Variants in PIK3R3 observed in about 807,000 individuals in gnomAD.
PIK3R3 encodes the protein phosphatidylinositol 3-kinase regulatory subunit gamma.
Under a neutral mutation model 62.9 loss-of-function variants are expected in PIK3R3, and 64 were observed. The observed-to-expected ratio is 1.02, with a 90% CI of 0.83 to 1.25. PIK3R3 has a LOEUF of 1.25. Ranked by LOEUF, PIK3R3 falls within the 50% of genes most tolerant of loss-of-function variation. The pLI, the probability that PIK3R3 is intolerant of heterozygous loss-of-function variation, is 0.00. For synonymous variants in PIK3R3, 165 were observed against 189.0 expected, an observed-to-expected ratio of 0.87 and a Z score of 1.04; for missense variants, 614 against 561.6, an observed-to-expected ratio of 1.09 and a Z score of -0.94.
chr1:46,156,212 A>G, the PIK3R3 span, among the ~76,000 whole-genome samples: 1 of 152,046 alleles, frequency 6.6e-6, no homozygotes, highest in Non-Finnish European at 1.5e-5. Flanking sequence ...ATAGGAATTC[A>G]TTGCTGGCTG....
chr1:46,123,864 T>C (rs1654872846), intron 1 of PIK3R3, among the ~76,000 whole-genome samples: 1 of 152,240 alleles, frequency 6.6e-6, no homozygotes, highest in African/African-American at 2.4e-5. Flanking sequence ...AACTATTACC[T>C]TCATTACAAA....
At chr1:46,112,449 A>C (rs552283487) in intron 1 of PIK3R3, among the ~76,000 whole-genome samples, 1 of 152,342 alleles carries the variant, frequency 6.6e-6, no homozygotes, top group South Asian at 2.1e-4. Flanking sequence ...TTTTATTTCT[A>C]CAGAACAGAT....
At chr1:46,144,766 CAA>C in the PIK3R3 span, among the ~76,000 whole-genome samples, 29 of 105,028 alleles carry the variant, frequency 2.8e-4, no homozygotes, top group South Asian at 3.5e-4. Context: ...GACTCCATCT[CAA>C]AAAAAAAAAA....
chr1:46,147,746 G>C, the PIK3R3 span, among the ~76,000 whole-genome samples: 1 of 152,094 alleles, frequency 6.6e-6, no homozygotes, highest in Non-Finnish European at 1.5e-5. Context: ...TTTTTAAATA[G>C]TGTTGCACCT....
At chr1:46,167,260 G>A in the PIK3R3 span, among the ~76,000 whole-genome samples, 5 of 152,270 alleles carry the variant, frequency 3.3e-5, no homozygotes, top group Non-Finnish European at 7.3e-5. Flanking sequence ...CAGCAGCCGC[G>A]AGAAGGCTAG....
chr1:46,043,628 TG>T lies in PIK3R3; in HGVS notation c.*44del. The T allele has an allele frequency of 3.9e-6, 6 of 1,523,614 alleles. No homozygotes were observed. Among genetic ancestry groups the T allele is most frequent in the Middle Eastern group, 1.8e-4 (1 of 5,456 alleles). 94.4% of individuals were successfully genotyped at this position (1,523,614 alleles called of 1,614,324 possible). A position where few individuals can be genotyped will look rare whatever the true frequency, so the allele number is the denominator to read the frequency against. On this transcript the variant is annotated 3_prime_UTR_variant, in exon 10 of 10. Transcript: ENST00000262741. ...GCCCTCATCGTAGTCTAATAAAAAC[TG>T]TAGAAAAAAATGCCAGAGAACCACC...
intron 2 of PIK3R3, 110 bp from the exon 3 acceptor site, chr1:46,077,723 G>C: frequency 1.5e-6 from 1 of 673,456 alleles, no homozygotes; most frequent in Non-Finnish European, 2.7e-6. Context: ...CAGTAGGTGT[G>C]CCTGAGGTTA....
chr1:46,043,912 C>T, intron 9 of PIK3R3, 41 bp from the exon 10 acceptor site: 1 of 1,536,954 alleles, frequency 6.5e-7, no homozygotes. Context: ...AGGTAGGTAA[C>T]AATAGATAAA....
intron 7 of PIK3R3, among the ~76,000 whole-genome samples, chr1:46,050,928 TGAAA>T (rs1647291718): frequency 6.6e-6 from 1 of 152,126 alleles, no homozygotes; most frequent in African/African-American, 2.4e-5. Flanking sequence ...CCATGCTAAG[TGAAA>T]GAAGCCAGTC....
the PIK3R3 span, among the ~76,000 whole-genome samples, chr1:46,153,258 T>G: frequency 6.6e-6 from 1 of 152,176 alleles, no homozygotes; most frequent in East Asian, 1.9e-4. Flanking sequence ...CCCAACTTAC[T>G]CTAGGATGAG....
chr1:46,153,712 C>A, the PIK3R3 span, among the ~76,000 whole-genome samples: 1 of 152,190 alleles, frequency 6.6e-6, no homozygotes, highest in Non-Finnish European at 1.5e-5. Flanking sequence ...TGTACTCCCC[C>A]CAACTCACTT....
rs1395513205 is a variant in PIK3R3 at position 46,132,307 on chromosome 1, G to A, written c.-355C>T. The A allele has an allele frequency of 3.6e-6, 4 of 1,111,182 alleles. No individual in the cohort carries two copies. The African/African-American group carries it at 5.0e-5, about 14-fold the overall frequency. 68.8% of individuals were successfully genotyped at this position (1,111,182 alleles called of 1,614,324 possible). On this transcript the variant is annotated 5_prime_UTR_variant, in exon 1 of 10. Transcript: ENST00000262741. ...CCCACCGCCTCCAAATCTTTCCGCG[G>A]AAGCCACTTTTGTGTCCTTCGAAGG...
upstream of PIK3R3, among the ~76,000 whole-genome samples, chr1:46,133,300 G>C (rs1427832949): frequency 2.6e-5 from 4 of 152,252 alleles, no homozygotes; most frequent in Admixed American, 2.6e-4. Flanking sequence ...ACTGCCTGGA[G>C]ACAGGCGGGG....
chr1:46,063,321 A>T (rs969408554), intron 5 of PIK3R3, among the ~76,000 whole-genome samples: 5 of 152,218 alleles, frequency 3.3e-5, no homozygotes, highest in Admixed American at 6.5e-5. Flanking sequence ...ACATTAGAGG[A>T]TTAGCAGATG....
In PIK3R3 at chr1:46,099,938, G is replaced by A. The variant is rs1300586344; in HGVS notation, c.107-19188C>T. 3.3e-5 allele frequency among the ~76,000 whole-genome samples: 5 copies of A among 152,164 alleles called. No individual in the cohort carries two copies. In the East Asian group the frequency reaches 9.6e-4, roughly 29 times the overall value. On this transcript the variant is annotated intron_variant, in intron 1 of 9. Transcript: ENST00000262741. ...TTGCATTTCCATGGCTACTAAAGAA[G>A]TTGAACACCTTTTCATGTCTGCAGG...
intron 1 of PIK3R3, among the ~76,000 whole-genome samples, chr1:46,081,037 A>T (rs1279845102): frequency 1.3e-5 from 2 of 152,086 alleles, no homozygotes; most frequent in Admixed American, 1.3e-4. Flanking sequence ...TTTCCAAACA[A>T]CTCAGTCCAA....
intron 1 of PIK3R3, among the ~76,000 whole-genome samples, chr1:46,122,070 C>G (rs1654725138): frequency 6.6e-6 from 1 of 150,490 alleles, no homozygotes; most frequent in African/African-American, 2.4e-5. Flanking sequence ...GAGCGAGACT[C>G]CATCTCAAAA....
the PIK3R3 span, among the ~76,000 whole-genome samples, chr1:46,142,427 G>A: frequency 1.2e-4 from 19 of 152,196 alleles, no homozygotes; most frequent in East Asian, 3.9e-4. Flanking sequence ...GGCCGGGCGC[G>A]GTGGCTCACG....
intron 3 of PIK3R3, among the ~76,000 whole-genome samples, chr1:46,070,865 C>T (rs143756147): frequency 8.9e-4 from 135 of 152,264 alleles, no homozygotes; most frequent in African/African-American, 3.1e-3. Flanking sequence ...TATCTCAGCA[C>T]CTAGTCCAAT....
Sources: allele counts gnomAD v4.1 joint callset (sites outside exome capture counted in the v4.1 genomes callset), GRCh38; gene constraint gnomAD v4.1.1; transcripts MANE v1.5; gene names NCBI Gene and HGNC (gene_info 2026-07-23, HGNC 2026-07-21).